DMD: variants seen among roughly 807,000 people sequenced by gnomAD.
DMD encodes the protein mutant dystrophin.
DMD carries 63 observed loss-of-function variants against 330.1 expected under a neutral mutation model. The observed-to-expected ratio is 0.19, with a 90% confidence interval of 0.16 to 0.24. The LOEUF is 0.24. DMD is among the 10% of genes least tolerant of loss of function. DMD has a pLI of 1.00. For synonymous variants in DMD, 1,223 were observed against 959.8 expected (o/e 1.27, Z -5.07); for missense variants, 3,344 against 2,684.1 (o/e 1.25, Z -5.43).
At chrX:31,362,457 A>G (rs1281344550) in intron 60 of DMD, among the ~76,000 whole-genome samples, 3 of 112,372 alleles carry the variant, frequency 2.7e-5, no homozygotes, top group African/African-American at 9.7e-5. Context: ...CGAAATATAA[A>G]TGAATTTCAT....
At chrX:31,438,319 C>T (rs1373305751) in intron 60 of DMD, among the ~76,000 whole-genome samples, 1 of 111,384 alleles carries the variant, frequency 9.0e-6, no homozygotes, top group African/African-American at 3.3e-5. Flanking sequence ...TAACATAGAA[C>T]AGGGGTTATC....
intron 16 of DMD, among the ~76,000 whole-genome samples, chrX:32,561,676 A>G (rs953840389): frequency 3.6e-5 from 4 of 111,500 alleles, no homozygotes; most frequent in African/African-American, 1.3e-4. Flanking sequence ...AGCAGAAGCC[A>G]GCCCAACATT....
chrX:31,713,412 T>C (rs1018486604), intron 52 of DMD, among the ~76,000 whole-genome samples: 1 of 111,892 alleles, frequency 8.9e-6, no homozygotes, highest in African/African-American at 3.2e-5. Flanking sequence ...TGTACTTTCA[T>C]TTTTCTTTGC....
chrX:32,642,572 G>C (rs1164433756), intron 11 of DMD, among the ~76,000 whole-genome samples: 4 of 111,850 alleles, frequency 3.6e-5, no homozygotes, highest in African/African-American at 9.7e-5. Context: ...CCTTGAAGGG[G>C]GGAATTTTTG....
chrX:33,182,218 A>C lies in DMD; in HGVS notation c.31+29064T>G, dbSNP rs754691245. 8.0e-5 allele frequency among the ~76,000 whole-genome samples: 9 copies of C among 112,023 alleles called. No individual in the cohort carries two copies. In the South Asian group the frequency reaches 3.3e-3, roughly 42 times the overall value. On this transcript the variant is annotated intron_variant, in intron 1 of 78. Transcript: ENST00000357033. ...AGGACGTCGCTATTTTTATTTGCTA[A>C]GAGATGTTGCCTTTTTTTATATTAA...
rs1175112613 is a variant in DMD, at chrX:31,157,082, C to T, written c.10554-9564G>A. On this transcript the variant is annotated intron_variant, in intron 74 of 78. Coordinates refer to ENST00000357033, the MANE Select transcript of DMD (RefSeq NM_004006.3). ...CCAATACGCTAGGTATGTGATGAAA[C>T]TGTCAAATTATAATATGTCCATGGA... Among the ~76,000 whole-genome samples the T allele has an allele frequency of 1.2e-4, 13 of 111,797 alleles. No individual in the cohort carries two copies. In the Admixed American group the frequency reaches 1.2e-3, roughly 11 times the overall value.
chrX:33,234,744 C>T (rs938902226), intron 1 of DMD, among the ~76,000 whole-genome samples: 12 of 111,694 alleles, frequency 1.1e-4, no homozygotes, highest in Non-Finnish European at 2.1e-4. Context: ...TTCCAAGAGT[C>T]GATTTTTTGT....
intron 11 of DMD, among the ~76,000 whole-genome samples, chrX:32,622,175 G>A (rs930822920): frequency 9.0e-6 from 1 of 111,432 alleles, no homozygotes; most frequent in Non-Finnish European, 1.9e-5. Context: ...AGAGAAGTGT[G>A]ACTGCCAACT....
chrX:32,104,533 G>A (rs1005875726), intron 44 of DMD, among the ~76,000 whole-genome samples: 56 of 111,424 alleles, frequency 5.0e-4, no homozygotes, highest in African/African-American at 1.7e-3. Context: ...CCAACATTTA[G>A]TAACACCCTC....
intron 60 of DMD, among the ~76,000 whole-genome samples, chrX:31,430,111 A>G (rs1430328206): frequency 9.0e-6 from 1 of 111,222 alleles, no homozygotes; most frequent in Non-Finnish European, 1.9e-5. Flanking sequence ...CCAATTCCGA[A>G]GAGGGCAATC....
At chrX:31,173,740 C>T (rs2040238104) in intron 71 of DMD, 136 bp from the exon 72 acceptor site, 2 of 438,924 alleles carry the variant, frequency 4.6e-6, no homozygotes, top group Non-Finnish European at 7.7e-6. Flanking sequence ...TTTAGTTGCT[C>T]CTATATCTTA....
In DMD at chrX:32,231,463, C is replaced by T. The variant is rs189117851; in HGVS notation, c.6291-14400G>A. Reference sequence around the variant, plus strand: ...AAATACACCACTTGAGATCAGCTTACGAAAATGTCCCTTTTACATGGGACT... The same window carrying T: ...AAATACACCACTTGAGATCAGCTTATGAAAATGTCCCTTTTACATGGGACT... On this transcript the variant is annotated intron_variant, in intron 43 of 78. Transcript: ENST00000357033. Among the ~76,000 whole-genome samples the T allele has an allele frequency of 7.2e-3, 805 of 111,722 alleles. 4 individuals carry two copies. The highest frequency in any genetic ancestry group is 0.012 in the Non-Finnish European group (660 of 53,114).
At chrX:32,085,647 T>TAC (rs1557121542) in intron 44 of DMD, among the ~76,000 whole-genome samples, 10 of 90,439 alleles carry the variant, frequency 1.1e-4, no homozygotes, top group East Asian at 3.8e-4. Flanking sequence ...TACGTATATA[T>TAC]ATGTGTGTAT....
At chrX:33,247,841 T>C (rs1315318742) in intron 1 of DMD, among the ~76,000 whole-genome samples, 6 of 111,184 alleles carry the variant, frequency 5.4e-5, no homozygotes, top group African/African-American at 9.8e-5. Context: ...TGAATTTAAT[T>C]CATAGAACAC....
chrX:32,102,011 C>T (rs1160148735), intron 44 of DMD: 1 of 111,544 alleles, frequency 9.0e-6, no homozygotes, highest in Non-Finnish European at 1.9e-5. Context: ...CATGTAATGT[C>T]CTGCACTGCC....
intron 34 of DMD, among the ~76,000 whole-genome samples, chrX:32,374,977 T>C (rs916740641): frequency 9.0e-6 from 1 of 111,727 alleles, no homozygotes; most frequent in Non-Finnish European, 1.9e-5. Flanking sequence ...TCAGAGGACC[T>C]TCAGTTCTGA....
intron 2 of DMD, among the ~76,000 whole-genome samples, chrX:32,931,028 CAATT>C (rs766914520): frequency 7.5e-5 from 8 of 107,158 alleles, no homozygotes; most frequent in Admixed American, 1.0e-4. Flanking sequence ...TACATATTAA[CAATT>C]AATACTATAT....
chrX:33,063,662 A>C (rs1187139303), intron 1 of DMD, among the ~76,000 whole-genome samples: 1 of 111,233 alleles, frequency 9.0e-6, no homozygotes, highest in Non-Finnish European at 1.9e-5. Flanking sequence ...GTTACAGTAC[A>C]GTCCTAGACA....
chrX:31,265,833 A>G (rs1240892268), intron 62 of DMD, among the ~76,000 whole-genome samples: 1 of 104,614 alleles, frequency 9.6e-6, no homozygotes, highest in Non-Finnish European at 2.0e-5. Context: ...ATAAAGCAGA[A>G]GACCAAGAAG....
Sources: allele counts gnomAD v4.1 joint callset (sites outside exome capture counted in the v4.1 genomes callset), GRCh38; gene constraint gnomAD v4.1.1; transcripts MANE v1.5; gene names NCBI Gene and HGNC (gene_info 2026-07-23, HGNC 2026-07-21).